ANO2: variants seen among roughly 807,000 people sequenced by gnomAD.
ANO2 encodes anoctamin-2.
ANO2 carries 101 observed loss-of-function variants against 124.2 expected under a neutral mutation model. The observed-to-expected ratio is 0.81, with a 90% CI of 0.69 to 0.96. The LOEUF (loss-of-function observed/expected upper bound fraction) is 0.96, where lower values mean the gene tolerates loss of function less well. ANO2 is among the 40% of genes least tolerant of loss of function. The pLI is 0.00. For synonymous variants in ANO2, 486 were observed against 482.5 expected, an observed-to-expected ratio of 1.01 and a Z score of -0.09; for missense variants, 1,293 against 1,274.5, an observed-to-expected ratio of 1.01 and a Z score of -0.22.
At chr12:5,702,430 T>C (rs1319991410) in intron 14 of ANO2, among the ~76,000 whole-genome samples, 2 of 152,142 alleles carry the variant, frequency 1.3e-5, no homozygotes, top group Non-Finnish European at 1.5e-5. Context: ...TGATTAACAA[T>C]GGATAATATC....
intron 19 of ANO2, 85 bp downstream of exon 19, chr12:5,612,571 G>A: frequency 9.2e-7 from 1 of 1,084,976 alleles, no homozygotes; most frequent in Non-Finnish European, 1.4e-6. Flanking sequence ...GAAGAGGAAA[G>A]GCCATAGAAA....
At chr12:5,820,277 A>G (rs1953745420) in intron 7 of ANO2, among the ~76,000 whole-genome samples, 1 of 152,128 alleles carries the variant, frequency 6.6e-6, no homozygotes, top group African/African-American at 2.4e-5. Context: ...CATTGGGGTA[A>G]CTGTGCATTG....
chr12:5,764,428 T>C (rs1052930618), intron 10 of ANO2, among the ~76,000 whole-genome samples: 3 of 152,166 alleles, frequency 2.0e-5, no homozygotes, highest in African/African-American at 7.2e-5. Flanking sequence ...TATCCTTAAA[T>C]TACAGATGAG....
intron 14 of ANO2, among the ~76,000 whole-genome samples, chr12:5,650,612 A>G (rs890218482): frequency 2.0e-5 from 3 of 152,020 alleles, no homozygotes; most frequent in Non-Finnish European, 2.9e-5. Context: ...GCCAATTAAA[A>G]CTCTCCATTC....
intron 3 of ANO2, among the ~76,000 whole-genome samples, chr12:5,899,084 C>G (rs114682316): frequency 0.023 from 3,553 of 152,222 alleles, 122 homozygotes; most frequent in African/African-American, 0.081. Flanking sequence ...TGCTGTTCAC[C>G]TGAGCCAGGA....
rs1032633069 is a variant in ANO2, at chr12:5,904,688, T to A, written c.534+16352A>T. 6.6e-6 allele frequency among the ~76,000 whole-genome samples: 1 copy of A among 152,114 alleles called. No individual in the cohort carries two copies. Among genetic ancestry groups the A allele is most frequent in the African/African-American group, 2.4e-5 (1 of 41,428 alleles). The stretch of plus-strand genomic sequence containing the variant: ...TCGATCTTCAAATTTTGCAGTGTCA[T>A]CCTCTAGCCTTGCTCCCCCTGGGAA... On this transcript the variant is annotated intron_variant, in intron 3 of 24. Transcript: ENST00000682330. This position sits in a 1 kb window ranked among gnomAD's most constrained non-coding sequence, Gnocchi z 4.1.
At chr12:5,694,198 CAA>C (rs1949064260) in intron 14 of ANO2, among the ~76,000 whole-genome samples, 1 of 149,956 alleles carries the variant, frequency 6.7e-6, no homozygotes, top group Non-Finnish European at 1.5e-5. Context: ...CGCCAGTCCC[CAA>C]AGCTTCGAGG....
At position 5,578,026 on chromosome 12, in the gene ANO2, A is replaced by G. The variant is rs1387116078; in HGVS notation, c.2387-19T>C. On this transcript the variant is annotated intron_variant, in intron 21 of 24. Transcript: ENST00000682330. ...CAGATTCCTACAAGACAGAAAAGAC[A>G]GCGTCTGGCTCACTCCCGCCCTCGG... is the stretch of plus-strand genomic sequence containing the variant. 17 of 1,613,094 alleles carry G rather than the reference A, an allele frequency of 1.1e-5. 1 individual carries two copies. Among genetic ancestry groups the G allele is most frequent in the South Asian group, 9.9e-5 (9 of 90,930 alleles).
At chr12:5,708,109 G>C (rs1272997680) in intron 14 of ANO2, among the ~76,000 whole-genome samples, 1 of 152,102 alleles carries the variant, frequency 6.6e-6, no homozygotes, top group East Asian at 1.9e-4. Flanking sequence ...CTACCTACCA[G>C]TTGTTCAAAC....
rs368459220 is a variant in ANO2, at chr12:5,896,859, C to T, written c.534+24181G>A. Reference sequence around the variant, plus strand: ...TTAAAACTGGATTAAAAGGGTAATTCGGGAAGAGTTTTGGAAGAAAAAAAT... The same window carrying T: ...TTAAAACTGGATTAAAAGGGTAATTTGGGAAGAGTTTTGGAAGAAAAAAAT... On this transcript the variant is annotated intron_variant, in intron 3 of 24. Coordinates refer to ENST00000682330, the MANE Select transcript of ANO2 (RefSeq NM_001364791.2). Among the ~76,000 whole-genome samples the T allele has an allele frequency of 5.9e-5, 9 of 151,936 alleles. No individual in the cohort carries two copies. The South Asian group carries it at 1.7e-3, about 28-fold the overall frequency.
chr12:5,922,936 T>C (rs1941786488), intron 1 of ANO2, 132 bp from the exon 2 acceptor site: 8 of 969,950 alleles, frequency 8.2e-6, no homozygotes, highest in Non-Finnish European at 1.1e-5. Context: ...CCTCCTTGGT[T>C]AGTCCCTAAA....
At chr12:5,801,884 T>C (rs1343749550) in intron 9 of ANO2, among the ~76,000 whole-genome samples, 1 of 152,184 alleles carries the variant, frequency 6.6e-6, no homozygotes, top group East Asian at 1.9e-4. Context: ...TTTTACTCCC[T>C]CCCCTGAGTG....
In ANO2 at chr12:5,658,403, A is replaced by G. The variant is rs1012138870; in HGVS notation, c.1546-10602T>C. 2.6e-5 allele frequency among the ~76,000 whole-genome samples: 4 copies of G among 152,274 alleles called. No individual in the cohort carries two copies. The highest frequency in any genetic ancestry group is 6.8e-3 in the Middle Eastern group (2 of 294). Reference sequence around the variant, plus strand: ...CATCATCAACAACATCATCATCGTCATTGTTATCATCATCATAACCATACC... The same window carrying G: ...CATCATCAACAACATCATCATCGTCGTTGTTATCATCATCATAACCATACC... On this transcript the variant is annotated intron_variant, in intron 14 of 24. Transcript: ENST00000682330. The surrounding 1 kb of genome is among the most constrained non-coding windows in gnomAD (Gnocchi z 4.3).
At chr12:5,781,558 A>G (rs1952395866) in intron 10 of ANO2, among the ~76,000 whole-genome samples, 1 of 152,388 alleles carries the variant, frequency 6.6e-6, no homozygotes, top group East Asian at 1.9e-4. Flanking sequence ...GGCACCCTTA[A>G]AAAGGTCATA....
chr12:5,852,063 A>G, intron 4 of ANO2: 1 of 700,776 alleles, frequency 1.4e-6, no homozygotes, highest in Non-Finnish European at 2.6e-6. Context: ...GAGAAAGGAG[A>G]ATAATATATT....
At chr12:5,922,534 C>A in intron 2 of ANO2, 86 bp downstream of exon 2, 1 of 1,400,944 alleles carries the variant, frequency 7.1e-7, no homozygotes, top group South Asian at 1.4e-5. Flanking sequence ...GTGCTCCCAA[C>A]TGGAGGATCC....
At chr12:5,915,212 A>C (rs1199260899) in intron 3 of ANO2, among the ~76,000 whole-genome samples, 2 of 152,212 alleles carry the variant, frequency 1.3e-5, no homozygotes, top group African/African-American at 4.8e-5. Context: ...TGAAATTCTA[A>C]TCAAACGGTC....
intron 19 of ANO2, among the ~76,000 whole-genome samples, chr12:5,609,997 A>G (rs1363067026): frequency 4.2e-5 from 6 of 141,424 alleles, no homozygotes; most frequent in Non-Finnish European, 9.1e-5. Context: ...ATATATTTAT[A>G]TATAAGTATA....
chr12:5,882,090 A>AT (rs952373982), intron 3 of ANO2, among the ~76,000 whole-genome samples: 21 of 152,092 alleles, frequency 1.4e-4, no homozygotes, highest in Non-Finnish European at 2.8e-4. Flanking sequence ...ACAGACAAGT[A>AT]TTTTTTTTCT....
Sources: gnomAD v4.1 joint callset for allele counts (sites outside exome capture counted in the v4.1 genomes callset) on GRCh38, gnomAD v4.1.1 for gene constraint, Gnocchi (gnomAD v3.1) non-coding constraint, MANE v1.5 for transcripts, NCBI Gene and HGNC (gene_info 2026-07-23, HGNC 2026-07-21) for gene names.